The following RNF180 variants were observed in gnomAD, a reference collection of about 807,000 sequenced individuals.
RNF180 encodes E3 ubiquitin-protein ligase RNF180.
In RNF180, 38 loss-of-function variants were observed where a neutral mutation model predicts 59.2. That is an observed-to-expected ratio of 0.64 (90% CI 0.50 to 0.84). RNF180 has a LOEUF of 0.84. Ranked by LOEUF, RNF180 falls within the 40% of genes least tolerant of loss-of-function variation. The pLI is 0.00. For synonymous variants in RNF180, 262 were observed against 240.3 expected, an observed-to-expected ratio of 1.09 and a Z score of -0.84; for missense variants, 705 against 700.9, an observed-to-expected ratio of 1.01 and a Z score of -0.07.
At chr5:64,282,112 C>A (rs1198799719) in intron 5 of RNF180, among the ~76,000 whole-genome samples, 3 of 152,030 alleles carry the variant, frequency 2.0e-5, no homozygotes, top group Non-Finnish European at 4.4e-5. Context: ...GGAATAGTTT[C>A]ATTAGTAATG....
chr5:64,269,463 T>G (rs1264986369), intron 5 of RNF180, among the ~76,000 whole-genome samples: 1 of 152,232 alleles, frequency 6.6e-6, no homozygotes, highest in Non-Finnish European at 1.5e-5. Context: ...CTTCTTTGTT[T>G]CCATGTGCCT....
At chr5:64,175,246 C>A (rs1483157938) in intron 1 of RNF180, among the ~76,000 whole-genome samples, 1 of 152,156 alleles carries the variant, frequency 6.6e-6, no homozygotes, top group Admixed American at 6.5e-5. Context: ...GGATTACAGG[C>A]ATGAGCCACT....
intron 5 of RNF180, among the ~76,000 whole-genome samples, chr5:64,311,637 G>A (rs1561253752): frequency 6.6e-6 from 1 of 151,918 alleles, no homozygotes; most frequent in African/African-American, 2.4e-5. Flanking sequence ...TGCCCAAAAT[G>A]TTCTTTCTCT....
chr5:64,240,158 T>C (rs1742712702), intron 5 of RNF180, among the ~76,000 whole-genome samples: 1 of 152,208 alleles, frequency 6.6e-6, no homozygotes, highest in East Asian at 1.9e-4. Context: ...TAGACTATAA[T>C]ATATAACAGC....
chr5:64,191,538 T>C (rs559012316), intron 1 of RNF180, among the ~76,000 whole-genome samples: 1 of 152,346 alleles, frequency 6.6e-6, no homozygotes, highest in Non-Finnish European at 1.5e-5. Flanking sequence ...CTTTCTTTAC[T>C]ATTCTGATAG....
chr5:64,258,410 A>G (rs1744115094), intron 5 of RNF180, among the ~76,000 whole-genome samples: 1 of 152,182 alleles, frequency 6.6e-6, no homozygotes, highest in Admixed American at 6.5e-5. Flanking sequence ...CTGGTAAGAG[A>G]GGTTGAGTTA....
At chr5:64,216,157 A>G (rs1265341074) in intron 4 of RNF180, among the ~76,000 whole-genome samples, 1 of 152,206 alleles carries the variant, frequency 6.6e-6, no homozygotes, top group Non-Finnish European at 1.5e-5. Context: ...ACAGGCAAAC[A>G]AATACCCAGT....
At chr5:64,349,874 TG>T (rs1265875075) in intron 7 of RNF180, among the ~76,000 whole-genome samples, 1 of 152,194 alleles carries the variant, frequency 6.6e-6, no homozygotes, top group Non-Finnish European at 1.5e-5. Flanking sequence ...TCTTTGCTAT[TG>T]TGAATAGTGT....
chr5:64,279,165 G>C (rs965036285), intron 5 of RNF180, among the ~76,000 whole-genome samples: 6 of 152,174 alleles, frequency 3.9e-5, no homozygotes, highest in African/African-American at 1.4e-4. Context: ...AAGCTAAAAG[G>C]AGACTCTATT....
intron 5 of RNF180, among the ~76,000 whole-genome samples, chr5:64,297,009 A>G (rs1438972147): frequency 2.6e-5 from 4 of 152,162 alleles, no homozygotes; most frequent in Non-Finnish European, 5.9e-5. Context: ...ATTAAATTAT[A>G]TGACAAAATG....
At chr5:64,287,041 A>G (rs932560865) in intron 5 of RNF180, among the ~76,000 whole-genome samples, 21 of 152,132 alleles carry the variant, frequency 1.4e-4, no homozygotes, top group Non-Finnish European at 4.4e-5. Flanking sequence ...ATCTCAGCTC[A>G]CTGCAACCTC....
At chr5:64,187,555 C>T (rs1473478807) in intron 1 of RNF180, among the ~76,000 whole-genome samples, 2 of 152,106 alleles carry the variant, frequency 1.3e-5, no homozygotes, top group African/African-American at 4.8e-5. Context: ...TCGTGTTGGA[C>T]AGTTTAAGTT....
intron 1 of RNF180, among the ~76,000 whole-genome samples, chr5:64,192,607 G>A (rs980001607): frequency 6.6e-6 from 1 of 151,994 alleles, no homozygotes; most frequent in Non-Finnish European, 1.5e-5. Flanking sequence ...AGGAAGCGGA[G>A]GTTGCTGTGA....
intron 3 of RNF180, among the ~76,000 whole-genome samples, 197 bp downstream of exon 3, chr5:64,212,357 CAT>C (rs113278896): frequency 4.6e-5 from 7 of 152,034 alleles, no homozygotes; most frequent in South Asian, 2.1e-4. Context: ...CACACACACA[CAT>C]GCACACACAC....
chr5:64,280,599 G>A (rs1741960996), intron 5 of RNF180, among the ~76,000 whole-genome samples: 1 of 150,876 alleles, frequency 6.6e-6, no homozygotes, highest in Non-Finnish European at 1.5e-5. Flanking sequence ...CGACTTTGTT[G>A]AAGATCAGAT....
intron 7 of RNF180, among the ~76,000 whole-genome samples, chr5:64,336,541 C>T (rs1161985819): frequency 6.6e-6 from 1 of 152,112 alleles, no homozygotes; most frequent in East Asian, 1.9e-4. Context: ...CTAAATATTG[C>T]CAACAGTTCT....
intron 5 of RNF180, among the ~76,000 whole-genome samples, chr5:64,255,242 T>A (rs756241015): frequency 6.6e-6 from 1 of 152,222 alleles, no homozygotes; most frequent in African/African-American, 2.4e-5. Context: ...CTAGGGTACA[T>A]GTGCACAACG....
intron 3 of RNF180, among the ~76,000 whole-genome samples, chr5:64,212,414 CAT>C (rs1373410833): frequency 6.6e-6 from 1 of 151,680 alleles, no homozygotes; most frequent in Non-Finnish European, 1.5e-5. Context: ...ATATATATGA[CAT>C]ATATATTATT....
intron 7 of RNF180, among the ~76,000 whole-genome samples, chr5:64,344,534 A>G (rs541888936): frequency 3.1e-5 from 4 of 130,094 alleles, no homozygotes; most frequent in African/African-American, 1.3e-4. Flanking sequence ...TAGAAAAAAA[A>G]ACACACACAA....
Sources: gnomAD v4.1 joint callset for allele counts (sites outside exome capture counted in the v4.1 genomes callset) on GRCh38, gnomAD v4.1.1 for gene constraint, MANE v1.5 for transcripts, NCBI Gene and HGNC (gene_info 2026-07-23, HGNC 2026-07-21) for gene names.